The following AUTS2 variants were observed in gnomAD, a reference collection of about 807,000 sequenced individuals.
AUTS2 encodes the protein activator of transcription and developmental regulator AUTS2.
A neutral mutation model predicts 112.4 loss-of-function variants in AUTS2; 17 were observed. The ratio of observed to expected loss-of-function variants is 0.15; its 90% CI spans 0.10 to 0.23. The LOEUF (loss-of-function observed/expected upper bound fraction) is 0.23. Ranked by LOEUF, AUTS2 falls within the 10% of genes least tolerant of loss-of-function variation. The pLI is 1.00. For missense variants in AUTS2, 1,510 were observed against 1,701.6 expected (o/e 0.89, Z 1.98); for synonymous variants, 751 against 702.7 (o/e 1.07, Z -1.09).
intron 2 of AUTS2, among the ~76,000 whole-genome samples, chr7:70,056,634 A>G (rs1463380345): frequency 6.6e-6 from 1 of 152,212 alleles, no homozygotes; most frequent in Non-Finnish European, 1.5e-5. Flanking sequence ...AGTAATTATT[A>G]CTAGAACCAG....
Position 70,694,252 on chromosome 7 carries a change from A to G in AUTS2, c.691-4317A>G, listed in dbSNP as rs1808930341. On this transcript the variant is annotated intron_variant, in intron 5 of 18. Transcript: ENST00000342771. This position sits in a 1 kb window ranked among gnomAD's most constrained non-coding sequence, Gnocchi z 4.1. ...GCCGAGCGCGGGCCGGAGCCCAGCC[A>G]GCCCCGGGCGCTCACCCGCCAGCCC... is the stretch of plus-strand genomic sequence containing the variant. 6.7e-6 allele frequency: 1 copy of G among 149,094 alleles called. No homozygotes were observed. Among genetic ancestry groups the G allele is most frequent in the Non-Finnish European group, 1.5e-5 (1 of 67,002 alleles). 9.2% of individuals were successfully genotyped at this position (149,094 alleles called of 1,614,324 possible).
At chr7:69,973,199 T>C (rs775692296) in intron 2 of AUTS2, among the ~76,000 whole-genome samples, 4 of 152,188 alleles carry the variant, frequency 2.6e-5, no homozygotes, top group Non-Finnish European at 5.9e-5. Context: ...GCACTTGAAA[T>C]GGTATTGTAT....
At chr7:69,881,222 C>G (rs530178572) in intron 1 of AUTS2, among the ~76,000 whole-genome samples, 1 of 152,254 alleles carries the variant, frequency 6.6e-6, no homozygotes, top group African/African-American at 2.4e-5. Flanking sequence ...AAGTTGCCTC[C>G]CAAACCTTAC....
At chr7:70,275,506 G>T (rs1306625089) in intron 4 of AUTS2, among the ~76,000 whole-genome samples, 5 of 152,104 alleles carry the variant, frequency 3.3e-5, no homozygotes, top group African/African-American at 7.2e-5. Context: ...TACTCTTAAT[G>T]CCACTGACCA....
In AUTS2 at chr7:70,286,591, A is replaced by C. The variant is rs546879887; in HGVS notation, c.661-149161A>C. Among the ~76,000 whole-genome samples, 77 of 152,360 alleles carry C rather than the reference A, an allele frequency of 5.1e-4. 4 individuals are homozygous for C. The highest frequency in any genetic ancestry group is 2.3e-3 in the South Asian group (11 of 4,824). On this transcript the variant is annotated intron_variant, in intron 4 of 18. Transcript: ENST00000342771. ...TTCAACCTAAGCTAAAAGGAAATCT[A>C]ATGAAAACTTTAAGGATCCTTTAAA...
chr7:70,380,606 GA>G (rs957023641), intron 4 of AUTS2, among the ~76,000 whole-genome samples: 4 of 152,252 alleles, frequency 2.6e-5, no homozygotes, highest in Admixed American at 6.5e-5. Context: ...TGACCCCACA[GA>G]ATTTGAACTT....
intron 1 of AUTS2, among the ~76,000 whole-genome samples, chr7:69,740,819 GC>G (rs1787233782): frequency 6.6e-6 from 1 of 152,138 alleles, no homozygotes; most frequent in Non-Finnish European, 1.5e-5. Context: ...ACTGCGCCCG[GC>G]CAGAAATGTC....
chr7:69,709,867 T>C (rs532805670), intron 1 of AUTS2, among the ~76,000 whole-genome samples: 1 of 152,094 alleles, frequency 6.6e-6, no homozygotes, highest in South Asian at 2.1e-4. Flanking sequence ...ACAGATTTAA[T>C]GCATTGCCTC....
intron 6 of AUTS2, among the ~76,000 whole-genome samples, chr7:70,747,472 T>C (rs1788525403): frequency 1.3e-5 from 2 of 152,224 alleles, no homozygotes; most frequent in African/African-American, 2.4e-5. Flanking sequence ...TTATTATTTA[T>C]TTTTGAGACG....
At chr7:69,785,404 T>C (rs1016030939) in intron 1 of AUTS2, among the ~76,000 whole-genome samples, 1 of 152,284 alleles carries the variant, frequency 6.6e-6, no homozygotes, top group African/African-American at 2.4e-5. Context: ...TCTGTGTGAT[T>C]GAGAGGCTCC....
At chr7:69,658,529 A>G (rs953090436) in intron 1 of AUTS2, among the ~76,000 whole-genome samples, 2 of 152,156 alleles carry the variant, frequency 1.3e-5, no homozygotes, top group African/African-American at 4.8e-5. Context: ...AATCCTTATT[A>G]CTTTTCTAGG....
At chr7:70,511,466 C>G (rs956600606) in intron 5 of AUTS2, among the ~76,000 whole-genome samples, 1 of 151,750 alleles carries the variant, frequency 6.6e-6, no homozygotes, top group Non-Finnish European at 1.5e-5. Context: ...ATCACACATC[C>G]CAGTTTCCCT....
At chr7:69,887,413 CA>C (rs142082810) in intron 1 of AUTS2, among the ~76,000 whole-genome samples, 1,932 of 53,026 alleles carry the variant, frequency 0.036, 15 homozygotes, top group East Asian at 0.059. Flanking sequence ...AAGACTTCAT[CA>C]AAAAAAAAAA....
chr7:70,122,412 G>A (rs957532459), intron 3 of AUTS2, among the ~76,000 whole-genome samples: 5 of 152,134 alleles, frequency 3.3e-5, no homozygotes, highest in Non-Finnish European at 5.9e-5. Flanking sequence ...ATGGAAAATA[G>A]TTATAACTTT....
rs142379411 is a variant in AUTS2, at chr7:70,532,350, C to A, written c.690+96569C>A. 1.5e-3 allele frequency among the ~76,000 whole-genome samples: 228 copies of A among 152,280 alleles called. 1 individual carries two copies. The highest frequency in any genetic ancestry group is 2.2e-3 in the African/African-American group (91 of 41,558). ...CTGCAAAGAAGAGAGGTTTCCTTCT[C>A]TTCATAATCTCTACCACCTTTCATG... On this transcript the variant is annotated intron_variant, in intron 5 of 18. Transcript: ENST00000342771.
At chr7:70,052,876 G>C (rs1801819316) in intron 2 of AUTS2, among the ~76,000 whole-genome samples, 1 of 152,092 alleles carries the variant, frequency 6.6e-6, no homozygotes, top group African/African-American at 2.4e-5. Context: ...TAAAGTCTAG[G>C]ATGCTTGTCT....
intron 5 of AUTS2, among the ~76,000 whole-genome samples, chr7:70,595,439 C>T (rs1803147721): frequency 6.6e-6 from 1 of 151,878 alleles, no homozygotes; most frequent in African/African-American, 2.4e-5. Context: ...GGAGATAATG[C>T]TCTCTGATTT....
chr7:70,111,529 C>T (rs1177382236), intron 2 of AUTS2, among the ~76,000 whole-genome samples: 2 of 152,152 alleles, frequency 1.3e-5, no homozygotes, highest in African/African-American at 4.8e-5. Context: ...TCAGAAATTT[C>T]CCTTGTGACC....
chr7:70,218,082 A>G (rs1481118443), intron 4 of AUTS2, among the ~76,000 whole-genome samples: 2 of 152,224 alleles, frequency 1.3e-5, no homozygotes, highest in East Asian at 1.9e-4. Flanking sequence ...CCATGCATAC[A>G]CTACTCCATG....
Sources: gnomAD v4.1 joint callset for allele counts (sites outside exome capture counted in the v4.1 genomes callset) on GRCh38, gnomAD v4.1.1 for gene constraint, Gnocchi (gnomAD v3.1) non-coding constraint, MANE v1.5 for transcripts, NCBI Gene and HGNC (gene_info 2026-07-23, HGNC 2026-07-21) for gene names.